RORA: variants seen among roughly 807,000 people sequenced by gnomAD.
RORA encodes RAR related orphan receptor A.
RORA carries 7 observed loss-of-function variants against 69.5 expected under a neutral mutation model. That is an observed-to-expected ratio of 0.10 (90% CI 0.06 to 0.19). RORA has a LOEUF of 0.19. RORA is among the 10% of genes least tolerant of loss of function. The pLI is 1.00. For missense variants in RORA, 457 were observed against 663.0 expected (o/e 0.69, Z 3.41); for synonymous variants, 261 against 240.8 (o/e 1.08, Z -0.78).
rs994805017 is a variant in RORA at position 60,509,760 on chromosome 15, T to C, written c.820+1466A>G. Among the ~76,000 whole-genome samples the C allele has an allele frequency of 5.4e-5, 8 of 146,994 alleles. No homozygotes were observed. The South Asian group carries it at 1.1e-3, about 20-fold the overall frequency. ...TAAGGCTCAGCCAACCAAGATTTCA[T>C]GACAAAAATGGAAGGTTTTTGTTCT... On this transcript the variant is annotated intron_variant, in intron 5 of 10. Coordinates refer to ENST00000335670, the MANE Select transcript of RORA (RefSeq NM_134261.3).
chr15:60,689,903 C>T (rs983096638), intron 1 of RORA, among the ~76,000 whole-genome samples: 14 of 152,148 alleles, frequency 9.2e-5, no homozygotes, highest in Admixed American at 7.9e-4. Context: ...GGCTCTGCTG[C>T]CACCTTGATT....
intron 1 of RORA, among the ~76,000 whole-genome samples, chr15:60,952,177 C>T (rs1436944435): frequency 6.6e-6 from 1 of 151,088 alleles, no homozygotes; most frequent in Non-Finnish European, 1.5e-5. Context: ...TAAACAGAGC[C>T]AAAGACAAAA....
At chr15:60,870,205 C>T (rs1320429673) in intron 1 of RORA, among the ~76,000 whole-genome samples, 1 of 152,176 alleles carries the variant, frequency 6.6e-6, no homozygotes, top group African/African-American at 2.4e-5. Flanking sequence ...AGTTATTGAA[C>T]TGCTGGTATG....
At chr15:60,585,464 G>T (rs1396254741) in intron 2 of RORA, among the ~76,000 whole-genome samples, 1 of 151,914 alleles carries the variant, frequency 6.6e-6, no homozygotes, top group African/African-American at 2.4e-5. Context: ...GTTTAAAATT[G>T]TTTTATTACC....
chr15:60,734,258 C>T (rs980200207), intron 1 of RORA, among the ~76,000 whole-genome samples: 10 of 152,146 alleles, frequency 6.6e-5, no homozygotes, highest in African/African-American at 9.7e-5. Context: ...AAACCTGAGT[C>T]TCTCCCCAGT....
At chr15:60,900,528 T>G (rs1043140884) in intron 1 of RORA, among the ~76,000 whole-genome samples, 1 of 152,242 alleles carries the variant, frequency 6.6e-6, no homozygotes, top group African/African-American at 2.4e-5. Flanking sequence ...ACTACTCATG[T>G]GTGTTTGGGG....
intron 1 of RORA, among the ~76,000 whole-genome samples, chr15:60,754,335 T>G (rs1282295860): frequency 6.6e-6 from 1 of 152,194 alleles, no homozygotes; most frequent in African/African-American, 2.4e-5. Context: ...AGAAGACTGC[T>G]CTTAACACCA....
At chr15:60,967,941 C>T (rs1316688991) in intron 1 of RORA, among the ~76,000 whole-genome samples, 1 of 152,216 alleles carries the variant, frequency 6.6e-6, no homozygotes, top group Non-Finnish European at 1.5e-5. Context: ...ATCAAACTCC[C>T]ATCACAGAAC....
intron 1 of RORA, among the ~76,000 whole-genome samples, chr15:60,924,566 A>G (rs1039459261): frequency 6.6e-6 from 1 of 152,088 alleles, no homozygotes; most frequent in African/African-American, 2.4e-5. Flanking sequence ...AATGGAATAG[A>G]AATTCTTGTC....
At chr15:60,827,946 G>A (rs1299101683) in intron 1 of RORA, among the ~76,000 whole-genome samples, 1 of 152,214 alleles carries the variant, frequency 6.6e-6, no homozygotes, top group Admixed American at 6.5e-5. Flanking sequence ...TGGTATAGTG[G>A]TTGGCATGTA....
At chr15:61,173,680 G>A (rs888186585) in intron 1 of RORA, among the ~76,000 whole-genome samples, 5 of 152,164 alleles carry the variant, frequency 3.3e-5, no homozygotes, top group African/African-American at 1.2e-4. Flanking sequence ...GTGTGAGATG[G>A]GGTCCTGCTC....
chr15:61,177,468 C>CTAAAAACTAAAAAA (rs1402993679), intron 1 of RORA, among the ~76,000 whole-genome samples: 1 of 152,044 alleles, frequency 6.6e-6, no homozygotes, highest in Non-Finnish European at 1.5e-5. Flanking sequence ...AAACTAAAAA[C>CTAAAAACTAAAAAA]TAAGATGTGG....
rs975878581 is a variant in RORA, at chr15:61,213,554, T to C, written c.166+15499A>G. On this transcript the variant is annotated intron_variant, in intron 1 of 10. Coordinates refer to ENST00000335670, the MANE Select transcript of RORA (RefSeq NM_134261.3). The surrounding 1 kb of genome is among the most constrained non-coding windows in gnomAD (Gnocchi z 4.1). ...TATGTTACCTGAATGTGCCATGAACTCTCCCCTTGGGTGCCTCAGCCTGGA... is the reference window on the plus strand; with the variant it reads ...TATGTTACCTGAATGTGCCATGAACCCTCCCCTTGGGTGCCTCAGCCTGGA... Among the ~76,000 whole-genome samples, 1 of 152,094 alleles carries C rather than the reference T, an allele frequency of 6.6e-6. No homozygotes were observed. Among genetic ancestry groups the C allele is most frequent in the African/African-American group, 2.4e-5 (1 of 41,388 alleles).
chr15:60,674,185 G>A (rs1272441668), intron 2 of RORA, among the ~76,000 whole-genome samples: 4 of 152,196 alleles, frequency 2.6e-5, no homozygotes, highest in African/African-American at 9.7e-5. Flanking sequence ...CCTTCCATTA[G>A]CTTTGCCAAG....
At chr15:60,720,492 G>A (rs941484102) in intron 1 of RORA, among the ~76,000 whole-genome samples, 1 of 152,136 alleles carries the variant, frequency 6.6e-6, no homozygotes, top group Non-Finnish European at 1.5e-5. Context: ...ATCCTCATTG[G>A]TGGCTACTTC....
At chr15:60,703,883 A>T (rs1333506701) in intron 1 of RORA, among the ~76,000 whole-genome samples, 1 of 151,840 alleles carries the variant, frequency 6.6e-6, no homozygotes, top group African/African-American at 2.4e-5. Context: ...AAAAAAAAAA[A>T]GGAAAGAAGG....
chr15:60,520,031 T>C (rs2066110675), intron 3 of RORA: 1 of 152,110 alleles, frequency 6.6e-6, no homozygotes, highest in Non-Finnish European at 1.5e-5. Flanking sequence ...TTACCCTTAT[T>C]TGGAAGTCTC....
intron 1 of RORA, chr15:60,764,173 G>A (rs556244013): frequency 6.6e-6 from 1 of 152,288 alleles, no homozygotes; most frequent in East Asian, 1.9e-4. Flanking sequence ...GTCTGATGGC[G>A]GAGTTCAGTG....
chr15:61,164,929 C>A (rs1006072995), intron 1 of RORA, among the ~76,000 whole-genome samples: 1 of 152,162 alleles, frequency 6.6e-6, no homozygotes, highest in Non-Finnish European at 1.5e-5. Context: ...CTGTTGACAG[C>A]ACAGCAGAGA....
Sources: gnomAD v4.1 joint callset for allele counts (sites outside exome capture counted in the v4.1 genomes callset) on GRCh38, gnomAD v4.1.1 for gene constraint, Gnocchi (gnomAD v3.1) non-coding constraint, MANE v1.5 for transcripts, NCBI Gene and HGNC (gene_info 2026-07-23, HGNC 2026-07-21) for gene names.